The following DNAH17 variants were observed in gnomAD, a reference collection of about 807,000 sequenced individuals.
DNAH17 encodes axonemal beta dynein heavy chain 17.
A neutral mutation model predicts 485.6 loss-of-function variants in DNAH17; 376 were observed. The ratio of observed to expected loss-of-function variants is 0.77; its 90% confidence interval spans 0.71 to 0.84. DNAH17 has a LOEUF of 0.84. Among genes scored for constraint, DNAH17 ranks in the 40% least tolerant of loss-of-function variants. The probability of loss-of-function intolerance (pLI) is 0.00; values close to 1 mark genes in which losing one functional copy is unlikely to be tolerated. For missense variants in DNAH17, 6,370 were observed against 5,839.3 expected, an observed-to-expected ratio of 1.09 and a Z score of -2.96; for synonymous variants, 3,031 against 2,405.9, an observed-to-expected ratio of 1.26 and a Z score of -7.60.
intron 57 of DNAH17, 26 bp downstream of exon 57, chr17:78,462,818 G>A (rs1324991977): frequency 7.4e-6 from 12 of 1,611,688 alleles, no homozygotes; most frequent in Non-Finnish European, 1.0e-5. Context: ...CGGCACAGGA[G>A]CTGGCAGCCA....
rs772125886 is a variant in DNAH17 at position 78,537,477 on chromosome 17, C to T, written c.2681G>A (p.Ser894Asn). 6.2e-7 allele frequency: 1 copy of T among 1,613,174 alleles called. No individual in the cohort carries two copies. Among genetic ancestry groups the T allele is most frequent in the South Asian group, 1.1e-5 (1 of 90,992 alleles). The part of the protein sequence containing the change: ...FLMDNMVIDE[S>N]IAPLFEIRME... ...GCGGATCTCAAACAGGGGAGCGATA[C>T]TCTCCTGAAAGAGGGGTGGGGTTGG... The change falls in exon 19 of 81, where the codon AGT (serine) becomes AAT (asparagine). Residue 894 changes from serine to asparagine, a missense_variant. Transcript: ENST00000389840.
chr17:78,476,694 G>C lies in DNAH17; in HGVS notation c.8032C>G (p.Leu2678Val). 1 of 1,613,098 alleles carries C rather than the reference G, an allele frequency of 6.2e-7. No homozygotes were observed. The highest frequency in any genetic ancestry group is 8.5e-7 in the Non-Finnish European group (1 of 1,179,520). ...TGTAGCCAAAGGCGGACGAGGTCCAGTGGGGTTTTCAGAACTTCTGCTGTG... is the reference window on the plus strand; with the variant it reads ...TGTAGCCAAAGGCGGACGAGGTCCACTGGGGTTTTCAGAACTTCTGCTGTG... ...FSTAEVLKTP[L>V]DLVRLWLHET... The change falls in exon 52 of 81, where the codon CTG becomes GTG. Residue 2678 changes from leucine (L) to valine (V), a missense_variant. Physicochemically the swap from Leu to Val is conservative, Grantham distance 32. Coordinates refer to ENST00000389840, the MANE Select transcript of DNAH17 (RefSeq NM_173628.4).
intron 15 of DNAH17, 126 bp downstream of exon 15, chr17:78,552,571 T>G (rs2091927449): frequency 7.3e-6 from 4 of 550,822 alleles, no homozygotes; most frequent in Non-Finnish European, 9.7e-6. Context: ...TTAGCCCCCT[T>G]GAAGTTAAAG....
intron 16 of DNAH17, among the ~76,000 whole-genome samples, chr17:78,550,423 A>C (rs1326108738): frequency 6.6e-6 from 1 of 152,288 alleles, no homozygotes; most frequent in East Asian, 1.9e-4. Flanking sequence ...CCTGACACCC[A>C]TACCTCAGAA....
intron 68 of DNAH17, chr17:78,450,012 G>A (rs1034888127): frequency 1.8e-6 from 1 of 554,220 alleles, no homozygotes; most frequent in African/African-American, 1.9e-5. Context: ...AGTGCCTGGA[G>A]GCACCAGGGG....
intron 50 of DNAH17, 47 bp downstream of exon 50, chr17:78,479,438 G>A: frequency 6.4e-7 from 1 of 1,557,078 alleles, no homozygotes; most frequent in Non-Finnish European, 8.7e-7. Context: ...AGCCCACAGA[G>A]CCATAGGTTT....
chr17:78,467,169 T>TC (rs2088510279), intron 55 of DNAH17, among the ~76,000 whole-genome samples: 2 of 152,038 alleles, frequency 1.3e-5, no homozygotes, highest in Admixed American at 6.5e-5. Context: ...GCAGGAAGGG[T>TC]CCCCGCTGGG....
chr17:78,475,570 C>T (rs2088976455), intron 53 of DNAH17, 99 bp downstream of exon 53: 24 of 1,600,104 alleles, frequency 1.5e-5, no homozygotes, highest in African/African-American at 4.0e-5. Context: ...CTGTGTGCCA[C>T]GCAGCCCCAC....
chr17:78,475,423 A>G lies in DNAH17; in HGVS notation c.8366T>C (p.Ile2789Thr), dbSNP rs758225907. Residue 2789 changes from isoleucine (I) to threonine (T), a missense_variant, in exon 54 of 81, where the codon ATC (isoleucine) becomes ACC (threonine). Transcript: ENST00000389840. ...AVAHICRINR[I>T]LESPRGNALL... Reference sequence around the variant, plus strand: ...GGCATTCCCCCGGGGAGACTCCAGGATGCGATTAATCCTGCAGATGTGAGC... The same window carrying G: ...GGCATTCCCCCGGGGAGACTCCAGGGTGCGATTAATCCTGCAGATGTGAGC... 6.2e-7 allele frequency: 1 copy of G among 1,613,858 alleles called. No homozygotes were observed. Among genetic ancestry groups the G allele is most frequent in the Non-Finnish European group, 8.5e-7 (1 of 1,179,886 alleles).
intron 50 of DNAH17, 143 bp downstream of exon 50, chr17:78,479,342 T>C (rs1180084008): frequency 3.2e-5 from 38 of 1,199,416 alleles, no homozygotes; most frequent in Non-Finnish European, 3.9e-5. Context: ...TCACAATTTC[T>C]CCTGTCGAAA....
At position 78,445,658 on chromosome 17, in the gene DNAH17, A is replaced by G; in HGVS notation, c.11234T>C (p.Leu3745Pro). The G allele has an allele frequency of 6.3e-7, 1 of 1,581,928 alleles. No homozygotes were observed. Among genetic ancestry groups the G allele is most frequent in the Non-Finnish European group, 8.6e-7 (1 of 1,164,124 alleles). ...TFQVLSMKKE[L>P]NPVELDFLLR... Reference sequence around the variant, plus strand: ...GAGGAAATCCAGCTCCACTGGGTTCAGCTCCTTCTTCATGGACAGGACCTG... The same window carrying G: ...GAGGAAATCCAGCTCCACTGGGTTCGGCTCCTTCTTCATGGACAGGACCTG... The change falls in exon 70 of 81, where the codon CTG (leucine) becomes CCG (proline). Residue 3745 changes from leucine (L) to proline (P), a missense_variant. By Grantham distance (98) the Leu-to-Pro change is moderately conservative. Coordinates refer to ENST00000389840, the MANE Select transcript of DNAH17 (RefSeq NM_173628.4).
chr17:78,437,718 T>C lies in DNAH17; in HGVS notation c.11956A>G (p.Asn3986Asp). 6.2e-7 allele frequency: 1 copy of C among 1,611,928 alleles called. No homozygotes were observed. Among genetic ancestry groups the C allele is most frequent in the Non-Finnish European group, 8.5e-7 (1 of 1,179,554 alleles). Residue 3986 changes from asparagine to aspartate, a missense_variant, in exon 74 of 81, where the codon AAC (asparagine) becomes GAC (aspartate). By Grantham distance (23) the Asn-to-Asp change is conservative. Transcript: ENST00000389840. ...THIIPQGILE[N>D]AIKITNEPPT... ...GGCTCGTTGGTGATCTTGATGGCGT[T>C]CTCCAGAATGCCCTGGGGGATGATG...
intron 69 of DNAH17, 66 bp from the exon 70 acceptor site, chr17:78,445,746 G>A (rs982645225): frequency 1.4e-5 from 22 of 1,533,866 alleles, no homozygotes; most frequent in Admixed American, 5.9e-5. Context: ...CTGAAGATGC[G>A]CGCTGGACTC....
chr17:78,468,589 G>A, intron 55 of DNAH17, 28 bp downstream of exon 55: 1 of 1,601,974 alleles, frequency 6.2e-7, no homozygotes, highest in South Asian at 1.1e-5. Context: ...CTGGGCTCTT[G>A]AGGCCCTGCC....
intron 35 of DNAH17, chr17:78,500,721 C>T: frequency 3.5e-6 from 1 of 281,904 alleles, no homozygotes; most frequent in Non-Finnish European, 6.6e-6. Flanking sequence ...GTTGGCCAGG[C>T]TGGTCTCGAA....
intron 11 of DNAH17, among the ~76,000 whole-genome samples, chr17:78,564,735 T>C (rs2092233238): frequency 6.6e-6 from 1 of 152,114 alleles, no homozygotes; most frequent in South Asian, 2.1e-4. Flanking sequence ...CTAGGCTCAG[T>C]TCTAAGGGAA....
chr17:78,543,300 T>C (rs75493468), intron 17 of DNAH17, among the ~76,000 whole-genome samples: 2 of 150,378 alleles, frequency 1.3e-5, no homozygotes, highest in Non-Finnish European at 3.0e-5. Context: ...TTTTTTTTTT[T>C]TGAGACGGAG....
intron 16 of DNAH17, among the ~76,000 whole-genome samples, chr17:78,549,175 G>A (rs2143540778): frequency 6.6e-6 from 1 of 152,294 alleles, no homozygotes; most frequent in South Asian, 2.1e-4. Context: ...TAGGAGGCAG[G>A]GACCTTGGCA....
At position 78,494,933 on chromosome 17, in the gene DNAH17, CGCCGTGAGCTCCAGGACACACACACCT is replaced by C; in HGVS notation, c.6041_6042+25del. The C allele has an allele frequency of 6.3e-7, 1 of 1,598,970 alleles. No homozygotes were observed. The highest frequency in any genetic ancestry group is 8.6e-7 in the Non-Finnish European group (1 of 1,168,934). On this transcript the variant is annotated splice_donor_variant and splice_donor_5th_base_variant and coding_sequence_variant and intron_variant, in exon 39 of 81. Transcript: ENST00000389840. LOFTEE classifies it high-confidence loss of function. ...CGCATCTCAAACTCCCACCCACACC[CGCCGTGAGCTCCAGGACACACACACCT>C]GCTTCGAGAGCAGCTCCTTGCACAA...
Sources: gnomAD v4.1 joint callset for allele counts (sites outside exome capture counted in the v4.1 genomes callset) on GRCh38, gnomAD v4.1.1 for gene constraint, MANE v1.5 for transcripts, NCBI Gene and HGNC (gene_info 2026-07-23, HGNC 2026-07-21) for gene names.